The following RHBDD1 variants were observed in gnomAD, a reference collection of about 807,000 sequenced individuals.
RHBDD1 encodes rhomboid domain containing 1, also known as rhomboid-related protein 4.
RHBDD1 carries 38 observed loss-of-function variants against 36.3 expected under a neutral mutation model. The observed-to-expected ratio is 1.05, with a 90% CI of 0.81 to 1.37. RHBDD1 has a LOEUF of 1.37. RHBDD1 is among the 40% of genes most tolerant of loss of function. The probability of loss-of-function intolerance (pLI) is 0.00; values close to 1 mark genes in which losing one functional copy is unlikely to be tolerated. For synonymous variants in RHBDD1, 151 were observed against 136.5 expected (o/e 1.11, Z -0.74); for missense variants, 393 against 377.6 (o/e 1.04, Z -0.34).
At chr2:226,878,971 C>G (rs1945474916) in intron 5 of RHBDD1, among the ~76,000 whole-genome samples, 1 of 151,054 alleles carries the variant, frequency 6.6e-6, no homozygotes, top group Admixed American at 6.6e-5. Flanking sequence ...CTAACAACAG[C>G]ACCCATCAAG....
intron 8 of RHBDD1, among the ~76,000 whole-genome samples, chr2:226,984,338 G>A (rs551861796): frequency 2.4e-4 from 37 of 152,316 alleles, no homozygotes; most frequent in African/African-American, 5.3e-4. Flanking sequence ...ATATGATCAG[G>A]TTATAGTGGG....
At chr2:226,909,273 C>A (rs559275915) in intron 7 of RHBDD1, among the ~76,000 whole-genome samples, 1 of 152,256 alleles carries the variant, frequency 6.6e-6, no homozygotes, top group East Asian at 1.9e-4. Context: ...CCCTTGCATA[C>A]CGTCAGATGC....
At chr2:226,909,771 A>G (rs926692766) in intron 7 of RHBDD1, among the ~76,000 whole-genome samples, 5 of 152,080 alleles carry the variant, frequency 3.3e-5, no homozygotes, top group Admixed American at 6.6e-5. Flanking sequence ...GCAAGCTTCC[A>G]GCCTCCAGAT....
intron 5 of RHBDD1, among the ~76,000 whole-genome samples, chr2:226,899,592 A>G (rs1039818943): frequency 1.3e-5 from 2 of 152,226 alleles, no homozygotes; most frequent in African/African-American, 4.8e-5. Context: ...TGATTGTGGT[A>G]TAAAGACAGT....
chr2:226,972,735 C>T (rs1953789812), intron 8 of RHBDD1, among the ~76,000 whole-genome samples: 1 of 152,116 alleles, frequency 6.6e-6, no homozygotes, highest in South Asian at 2.1e-4. Flanking sequence ...TCTCTCGAGT[C>T]CAGGGGCTCT....
intron 3 of RHBDD1, among the ~76,000 whole-genome samples, chr2:226,844,882 T>A (rs929737138): frequency 6.6e-6 from 1 of 152,214 alleles, no homozygotes; most frequent in Non-Finnish European, 1.5e-5. Context: ...GGAGCAAAAT[T>A]TAAGATTATA....
rs1466918426 is a variant in RHBDD1 at position 226,954,028 on chromosome 2, CTCT to C, written c.856+39683_856+39685del. Among the ~76,000 whole-genome samples, 4 of 152,162 alleles carry C rather than the reference CTCT, an allele frequency of 2.6e-5. No homozygotes were observed. In the East Asian group the frequency reaches 7.7e-4, roughly 29 times the overall value. On this transcript the variant is annotated intron_variant, in intron 8 of 8. Coordinates refer to ENST00000392062, the MANE Select transcript of RHBDD1 (RefSeq NM_001167608.3). ...GATGAGGTTAAACGGAAGTCACCTG[CTCT>C]TCTTCCTGGGTGGTCATAGCTTGCA...
intron 5 of RHBDD1, among the ~76,000 whole-genome samples, chr2:226,892,118 A>T (rs1158393416): frequency 6.6e-6 from 1 of 152,216 alleles, no homozygotes; most frequent in Admixed American, 6.5e-5. Context: ...CTTGTATTGC[A>T]TAAGCAGATT....
chr2:226,898,749 C>T (rs1359054375), intron 5 of RHBDD1, among the ~76,000 whole-genome samples: 1 of 152,138 alleles, frequency 6.6e-6, no homozygotes, highest in Non-Finnish European at 1.5e-5. Context: ...GCTAGTACTG[C>T]GAATCTGGGA....
chr2:226,849,550 G>A (rs1282817718), intron 3 of RHBDD1, among the ~76,000 whole-genome samples: 1 of 152,224 alleles, frequency 6.6e-6, no homozygotes, highest in African/African-American at 2.4e-5. Context: ...CCCTTAGGGG[G>A]CATTCCAGCA....
chr2:226,944,156 A>G (rs1950827384), intron 8 of RHBDD1, among the ~76,000 whole-genome samples: 1 of 152,208 alleles, frequency 6.6e-6, no homozygotes, highest in African/African-American at 2.4e-5. Flanking sequence ...TGACTTCCAT[A>G]TGCAATGGCT....
intron 8 of RHBDD1, among the ~76,000 whole-genome samples, chr2:226,931,913 GGGAAAAATTAA>G (rs1950055010): frequency 6.6e-6 from 1 of 151,614 alleles, no homozygotes; most frequent in South Asian, 2.1e-4. Flanking sequence ...AGATCAGTTT[GGGAAAAATTAA>G]CATCTTAACA....
At chr2:226,929,885 C>T (rs1274217558) in intron 8 of RHBDD1, among the ~76,000 whole-genome samples, 1 of 151,908 alleles carries the variant, frequency 6.6e-6, no homozygotes, top group East Asian at 1.9e-4. Context: ...AAACTCAACC[C>T]CTTTTATGAT....
At chr2:226,827,203 G>A in the RHBDD1 span, among the ~76,000 whole-genome samples, 1 of 152,102 alleles carries the variant, frequency 6.6e-6, no homozygotes, top group African/African-American at 2.4e-5. Flanking sequence ...GAGCTTAAAC[G>A]ATCCACCTGC....
chr2:226,837,922 A>G (rs918437955), intron 1 of RHBDD1, 151 bp from the exon 2 acceptor site: 16 of 152,220 alleles, frequency 1.1e-4, no homozygotes, highest in Admixed American at 7.2e-4. Context: ...TTCTGTCCTT[A>G]TCTTTGTTTC....
At chr2:226,835,106 T>C (rs1940853927), upstream of RHBDD1, among the ~76,000 whole-genome samples, 1 of 152,068 alleles carries the variant, frequency 6.6e-6, no homozygotes. Flanking sequence ...AGACAAGGTC[T>C]CACTATGTTG....
chr2:226,883,917 A>G (rs1945998034), intron 5 of RHBDD1, among the ~76,000 whole-genome samples: 1 of 151,926 alleles, frequency 6.6e-6, no homozygotes, highest in African/African-American at 2.4e-5. Flanking sequence ...TTTTGACTCG[A>G]TTTTTTTTCT....
intron 8 of RHBDD1, among the ~76,000 whole-genome samples, chr2:226,927,595 A>G (rs1339825238): frequency 6.6e-6 from 1 of 152,076 alleles, no homozygotes; most frequent in Non-Finnish European, 1.5e-5. Flanking sequence ...TCCTGCCGGC[A>G]GTATATGAGA....
intron 5 of RHBDD1, among the ~76,000 whole-genome samples, chr2:226,905,482 C>A (rs925687238): frequency 2.0e-5 from 3 of 152,148 alleles, no homozygotes; most frequent in Non-Finnish European, 2.9e-5. Flanking sequence ...GAGGTCTCCA[C>A]CCTCTGACTT....
Sources: allele counts gnomAD v4.1 joint callset (sites outside exome capture counted in the v4.1 genomes callset), GRCh38; gene constraint gnomAD v4.1.1; transcripts MANE v1.5; gene names NCBI Gene and HGNC (gene_info 2026-07-23, HGNC 2026-07-21).